The following BLTP1 variants were observed in gnomAD, a reference collection of about 807,000 sequenced individuals.
The protein encoded by BLTP1 is fragile site-associated protein.
chr4:122,264,390 A>G, the BLTP1 span: 14 of 1,611,182 alleles, frequency 8.7e-6, no homozygotes, highest in Non-Finnish European at 1.2e-5. Context: ...GAAGAAGCAA[A>G]CCAAGGGTTT....
chr4:122,349,019 G>T, the BLTP1 span: 1 of 711,912 alleles, frequency 1.4e-6, no homozygotes, highest in Non-Finnish European at 2.1e-6. This position sits in a 1 kb window ranked among gnomAD's most constrained non-coding sequence, Gnocchi z 4.5. Flanking sequence ...TTACCACACA[G>T]TTTTTATATA....
the BLTP1 span, chr4:122,249,715 G>A: frequency 1.9e-6 from 3 of 1,611,598 alleles, no homozygotes; most frequent in Non-Finnish European, 2.5e-6. Flanking sequence ...TGCTTAAGGT[G>A]GGGACAAATA....
the BLTP1 span, among the ~76,000 whole-genome samples, chr4:122,162,933 A>G: frequency 6.6e-6 from 1 of 152,176 alleles, no homozygotes; most frequent in South Asian, 2.1e-4. Context: ...TCCTCTTTCT[A>G]TCAAAAGCTA....
the BLTP1 span, chr4:122,312,919 GA>G: frequency 2.3e-6 from 2 of 867,316 alleles, no homozygotes; most frequent in African/African-American, 3.6e-5. Flanking sequence ...TTCTAAGGAT[GA>G]CTGAGGAAGG....
At chr4:122,227,874 T>C in the BLTP1 span, 2 of 151,362 alleles carry the variant, frequency 1.3e-5, no homozygotes, top group Admixed American at 6.6e-5. Context: ...CCCTCCTTTT[T>C]CTTTTTTTTT....
the BLTP1 span, chr4:122,247,515 G>T: frequency 9.7e-7 from 1 of 1,033,130 alleles, no homozygotes. Flanking sequence ...GTGGTATTTA[G>T]CTACTTGTCA....
chr4:122,200,358 A>C, the BLTP1 span: 1 of 806,532 alleles, frequency 1.2e-6, no homozygotes. Context: ...CAGGCGGATC[A>C]CTTGAGGTCA....
At chr4:122,291,800 C>T in the BLTP1 span, 6 of 978,050 alleles carry the variant, frequency 6.1e-6, no homozygotes, top group Non-Finnish European at 3.6e-6. Context: ...AATAGCGTCT[C>T]TTATGGTTCC....
chr4:122,282,193 T>G, the BLTP1 span: 2 of 475,384 alleles, frequency 4.2e-6, no homozygotes, highest in Non-Finnish European at 5.5e-6. Flanking sequence ...TATTAATATA[T>G]CCTATCTCAA....
the BLTP1 span, chr4:122,345,111 T>C: frequency 1.3e-6 from 1 of 778,862 alleles, no homozygotes; most frequent in Non-Finnish European, 1.6e-6. Context: ...AAATATGGTA[T>C]GTTCACTTAA....
chr4:122,319,539 A>ATT, the BLTP1 span, among the ~76,000 whole-genome samples: 9 of 131,646 alleles, frequency 6.8e-5, no homozygotes, highest in Non-Finnish European at 8.1e-5. Context: ...ATGATTTATA[A>ATT]TTTTTTTTTT....
the BLTP1 span, chr4:122,344,266 G>C: frequency 8.6e-7 from 1 of 1,169,356 alleles, no homozygotes; most frequent in Non-Finnish European, 1.2e-6. Flanking sequence ...TTTACCTCAA[G>C]TGATTTTAAT....
the BLTP1 span, among the ~76,000 whole-genome samples, chr4:122,233,032 T>A: frequency 6.6e-6 from 1 of 152,232 alleles, no homozygotes; most frequent in Non-Finnish European, 1.5e-5. Flanking sequence ...TTAATGTTTT[T>A]TAAAAATATG....
At chr4:122,223,025 G>C in the BLTP1 span, 1 of 881,672 alleles carries the variant, frequency 1.1e-6, no homozygotes, top group Non-Finnish European at 1.4e-6. Flanking sequence ...GAGTCTCAGC[G>C]TCAGAAGATA....
the BLTP1 span, chr4:122,328,188 T>A: frequency 6.2e-7 from 1 of 1,611,428 alleles, no homozygotes; most frequent in South Asian, 1.1e-5. Flanking sequence ...AGGATCATGT[T>A]CTGTGTTCAG....
chr4:122,315,755 T>C, the BLTP1 span: 1 of 1,460,500 alleles, frequency 6.8e-7, no homozygotes, highest in African/African-American at 1.4e-5. Context: ...TATTTTTTGT[T>C]CAGTGTTATT....
the BLTP1 span, chr4:122,187,317 A>G: frequency 6.7e-7 from 1 of 1,488,874 alleles, no homozygotes; most frequent in South Asian, 1.5e-5. Flanking sequence ...TAGTCACTAG[A>G]TGTATTTGGA....
chr4:122,198,443 A>T, the BLTP1 span: 89 of 985,174 alleles, frequency 9.0e-5, no homozygotes, highest in Non-Finnish European at 1.1e-4. Flanking sequence ...TACGCAATTG[A>T]TAATGTTTCA....
At chr4:122,295,491 G>C in the BLTP1 span, among the ~76,000 whole-genome samples, 1 of 151,928 alleles carries the variant, frequency 6.6e-6, no homozygotes, top group Non-Finnish European at 1.5e-5. Flanking sequence ...TTCCAACCTA[G>C]AATTTCACAT....
Sources: gnomAD v4.1 joint callset for allele counts (sites outside exome capture counted in the v4.1 genomes callset) on GRCh38, gnomAD v4.1.1 for gene constraint, Gnocchi (gnomAD v3.1) non-coding constraint, MANE v1.5 for transcripts, NCBI Gene and HGNC (gene_info 2026-07-23, HGNC 2026-07-21) for gene names.